PRKN: variants seen among roughly 807,000 people sequenced by gnomAD.
PRKN encodes parkin RBR E3 ubiquitin protein ligase.
A neutral mutation model predicts 59.5 loss-of-function variants in PRKN; 56 were observed. The observed-to-expected ratio is 0.94, with a 90% CI of 0.76 to 1.18. The LOEUF is 1.18. PRKN is among the 50% of genes most tolerant of loss of function. PRKN has a pLI of 0.00. For missense variants in PRKN, 657 were observed against 596.4 expected, an observed-to-expected ratio of 1.10 and a Z score of -1.06; for synonymous variants, 250 against 222.1, an observed-to-expected ratio of 1.13 and a Z score of -1.12.
chr6:162,151,961 A>C (rs1782290753), intron 4 of PRKN, among the ~76,000 whole-genome samples: 2 of 152,212 alleles, frequency 1.3e-5, no homozygotes. Flanking sequence ...TTAGCAAAAA[A>C]AATCAAATAA....
At chr6:161,645,222 C>G (rs1783880069) in intron 7 of PRKN, among the ~76,000 whole-genome samples, 1 of 146,772 alleles carries the variant, frequency 6.8e-6, no homozygotes, top group African/African-American at 2.6e-5. Flanking sequence ...AATCTCAGGA[C>G]TAATTTCCTC....
intron 2 of PRKN, among the ~76,000 whole-genome samples, chr6:162,344,442 T>C (rs1784312753): frequency 6.6e-6 from 1 of 152,088 alleles, no homozygotes; most frequent in African/African-American, 2.4e-5. Flanking sequence ...CTATGAATCA[T>C]ATAGCAGCAT....
At chr6:161,704,812 TTCC>T (rs1201690411) in intron 7 of PRKN, among the ~76,000 whole-genome samples, 2 of 152,208 alleles carry the variant, frequency 1.3e-5, no homozygotes, top group African/African-American at 4.8e-5. Context: ...TGATCTATGC[TTCC>T]TCCTCCATCA....
intron 9 of PRKN, among the ~76,000 whole-genome samples, chr6:161,387,794 C>T (rs970451901): frequency 1.1e-4 from 17 of 152,098 alleles, no homozygotes; most frequent in South Asian, 6.2e-4. Context: ...TATTTGGAGA[C>T]AGGGCCTTTA....
chr6:162,109,496 T>C (rs1383404261), intron 4 of PRKN, among the ~76,000 whole-genome samples: 1 of 152,146 alleles, frequency 6.6e-6, no homozygotes. Context: ...GCAGAGATGA[T>C]ACAGGGACCA....
At position 161,535,572 on chromosome 6, in the gene PRKN, C is replaced by T. The variant is rs115468513; in HGVS notation, c.1083+13282G>A. Reference sequence around the variant, plus strand: ...GTTTCTAGCTGGGCACATCGCACCCCGAATACAGATATTTCCCAACTGCTT... The same window carrying T: ...GTTTCTAGCTGGGCACATCGCACCCTGAATACAGATATTTCCCAACTGCTT... On this transcript the variant is annotated intron_variant, in intron 9 of 11. Coordinates refer to ENST00000366898, the MANE Select transcript of PRKN (RefSeq NM_004562.3). Among the ~76,000 whole-genome samples, 474 of 152,308 alleles carry T rather than the reference C, an allele frequency of 3.1e-3. 2 individuals are homozygous for T. The highest frequency in any genetic ancestry group is 0.011 in the African/African-American group (440 of 41,550).
At chr6:161,839,627 A>G (rs1792901707) in intron 6 of PRKN, among the ~76,000 whole-genome samples, 1 of 152,134 alleles carries the variant, frequency 6.6e-6, no homozygotes, top group Admixed American at 6.5e-5. Flanking sequence ...AAAGCTCTAG[A>G]TATCCCTGTC....
At position 161,357,633 on chromosome 6, in the gene PRKN, T is replaced by C. The variant is rs74927971; in HGVS notation, c.1285+2455A>G. 2.0e-5 allele frequency among the ~76,000 whole-genome samples: 3 copies of C among 152,206 alleles called. No homozygotes were observed. Among genetic ancestry groups the C allele is most frequent in the Admixed American group, 6.5e-5 (1 of 15,286 alleles). ...AATAAAGTCCTCTTTGGTCCTGTTA[T>C]GCCTAGAGCTACTCACTATGACATG... On this transcript the variant is annotated intron_variant, in intron 11 of 11. Transcript: ENST00000366898. The surrounding 1 kb of genome is among the most constrained non-coding windows in gnomAD (Gnocchi z 5.5).
At chr6:162,293,922 T>C (rs1052551832) in intron 2 of PRKN, among the ~76,000 whole-genome samples, 18 of 152,002 alleles carry the variant, frequency 1.2e-4, no homozygotes, top group Admixed American at 1.2e-3. Context: ...TTGTGATCCG[T>C]CCGCCTCGGC....
At chr6:162,090,640 A>C (rs1779449450) in intron 4 of PRKN, among the ~76,000 whole-genome samples, 1 of 152,212 alleles carries the variant, frequency 6.6e-6, no homozygotes, top group East Asian at 1.9e-4. Flanking sequence ...CAAATATACA[A>C]GTGTCTAATT....
chr6:162,608,954 T>C (rs539121545), intron 1 of PRKN, among the ~76,000 whole-genome samples: 44 of 152,250 alleles, frequency 2.9e-4, no homozygotes, highest in African/African-American at 1.0e-3. Flanking sequence ...CCACGTTTCC[T>C]GGGAGTGGAT....
At chr6:161,536,718 G>A (rs563551880) in intron 9 of PRKN, among the ~76,000 whole-genome samples, 19 of 152,308 alleles carry the variant, frequency 1.2e-4, no homozygotes, top group South Asian at 1.2e-3. Flanking sequence ...CATCAGTGAC[G>A]TTTAATGTGA....
intron 2 of PRKN, among the ~76,000 whole-genome samples, chr6:162,397,516 G>A (rs1348320789): frequency 3.3e-5 from 5 of 151,816 alleles, no homozygotes; most frequent in Non-Finnish European, 5.9e-5. Flanking sequence ...TGCAGAAGCC[G>A]AAGACAAGCA....
chr6:162,666,522 G>A (rs1401733833), intron 1 of PRKN, among the ~76,000 whole-genome samples: 51 of 151,996 alleles, frequency 3.4e-4, no homozygotes, highest in Admixed American at 3.3e-3. Flanking sequence ...AAATGTCCTG[G>A]AAGCCAAGAA....
chr6:162,164,457 C>T (rs1893554), intron 4 of PRKN, among the ~76,000 whole-genome samples: 71,180 of 147,974 alleles, frequency 0.48, 21,765 homozygotes, highest in Non-Finnish European at 0.62. Flanking sequence ...GGCAAACCTC[C>T]CACCTTGGCC....
At chr6:162,485,450 G>C (rs1350031771) in intron 1 of PRKN, among the ~76,000 whole-genome samples, 1 of 152,136 alleles carries the variant, frequency 6.6e-6, no homozygotes, top group African/African-American at 2.4e-5. Context: ...TATAAAATAG[G>C]TAATTATTTC....
intron 3 of PRKN, among the ~76,000 whole-genome samples, chr6:162,243,613 T>C (rs1433371012): frequency 1.3e-5 from 2 of 152,102 alleles, no homozygotes; most frequent in East Asian, 1.9e-4. Context: ...GCTACTATCT[T>C]CAAAGACTTT....
rs146724861 is a variant in PRKN, at chr6:162,498,287, C to T, written c.8-54814G>A. On this transcript the variant is annotated intron_variant, in intron 1 of 11. Coordinates refer to ENST00000366898, the MANE Select transcript of PRKN (RefSeq NM_004562.3). ...TATAAATTGTAAGCTCCCTGAAGAA[C>T]GGAGCTTTGTCCTGTCCTTCCTGAC... Among the ~76,000 whole-genome samples, 44 of 151,528 alleles carry T rather than the reference C, an allele frequency of 2.9e-4. 2 individuals carry two copies. The highest frequency in any genetic ancestry group is 8.9e-4 in the African/African-American group (37 of 41,344).
At chr6:161,500,008 G>C (rs1349396840) in intron 9 of PRKN, among the ~76,000 whole-genome samples, 1 of 152,192 alleles carries the variant, frequency 6.6e-6, no homozygotes, top group African/African-American at 2.4e-5. Flanking sequence ...CAGTGTCTTT[G>C]CCAAAAGTCC....
Sources: gnomAD v4.1 joint callset for allele counts (sites outside exome capture counted in the v4.1 genomes callset) on GRCh38, gnomAD v4.1.1 for gene constraint, Gnocchi (gnomAD v3.1) non-coding constraint, MANE v1.5 for transcripts, NCBI Gene and HGNC (gene_info 2026-07-23, HGNC 2026-07-21) for gene names.